Variants in MIA2 observed in about 807,000 individuals in gnomAD.
MIA2 encodes the protein MIA SH3 domain ER export factor 2.
MIA2 carries 127 observed loss-of-function variants against 167.8 expected under a neutral mutation model. The ratio of observed to expected loss-of-function variants is 0.76; its 90% CI spans 0.66 to 0.88. The LOEUF (loss-of-function observed/expected upper bound fraction) is 0.88. MIA2 is among the 40% of genes least tolerant of loss of function. The probability of loss-of-function intolerance (pLI) is 0.00; values close to 1 mark genes in which losing one functional copy is unlikely to be tolerated. For missense variants in MIA2, 1,690 were observed against 1,624.7 expected (o/e 1.04, Z -0.69); for synonymous variants, 552 against 541.9 (o/e 1.02, Z -0.26).
chr14:39,239,789 G>A (rs2053958391), intron 2 of MIA2, among the ~76,000 whole-genome samples: 1 of 152,196 alleles, frequency 6.6e-6, no homozygotes. Context: ...TTTAGTTCAT[G>A]CAGTTAGCTG....
intron 19 of MIA2, among the ~76,000 whole-genome samples, chr14:39,314,415 A>C (rs925007292): frequency 6.6e-5 from 10 of 151,854 alleles, no homozygotes; most frequent in Non-Finnish European, 1.3e-4. Flanking sequence ...CAACATCTGA[A>C]TAAATCTTCT....
intron 13 of MIA2, among the ~76,000 whole-genome samples, chr14:39,298,542 T>TTTTTTTTCG (rs1555375949): frequency 3.1e-5 from 3 of 97,026 alleles, no homozygotes; most frequent in African/African-American, 1.1e-4. Flanking sequence ...TTTTTTTTTT[T>TTTTTTTTCG]TTTTTTTTTT....
In MIA2 at chr14:39,347,508, T is replaced by C. The variant is rs912381646; in HGVS notation, c.3779-205T>C. The C allele has an allele frequency of 1.1e-5, 6 of 551,292 alleles. No individual in the cohort carries two copies. In the African/African-American group the frequency reaches 1.2e-4, roughly 11 times the overall value. The allele number at this position is 551,292 out of a possible 1,614,324, so 34.2% of individuals were successfully genotyped here. The stretch of plus-strand genomic sequence containing the variant: ...CTTAGGAACTAGCCAGAGAAATAAT[T>C]GCCACATGCCATCATAGAACTCTGA... On this transcript the variant is annotated intron_variant, in intron 26 of 28. Coordinates refer to ENST00000640607, the MANE Select transcript of MIA2 (RefSeq NM_001329214.4).
chr14:39,280,521 A>G (rs1251453708), intron 9 of MIA2, among the ~76,000 whole-genome samples: 1 of 152,084 alleles, frequency 6.6e-6, no homozygotes, highest in Non-Finnish European at 1.5e-5. Context: ...TCACGAGGTC[A>G]GGAGATCGAG....
chr14:39,252,249 G>A (rs1174777213), intron 4 of MIA2, among the ~76,000 whole-genome samples: 2 of 152,118 alleles, frequency 1.3e-5, no homozygotes, highest in African/African-American at 4.8e-5. Context: ...TGTGATTAGG[G>A]ATCTTGAAAT....
At chr14:39,386,729 A>C in intron 23 of MIA2, 1 of 1,339,598 alleles carries the variant, frequency 7.5e-7, no homozygotes, top group Non-Finnish European at 1.1e-6. Context: ...AATATTTGTA[A>C]TCTGGTTCAG....
intron 23 of MIA2, among the ~76,000 whole-genome samples, chr14:39,365,758 T>C (rs1166598997): frequency 6.6e-6 from 1 of 152,186 alleles, no homozygotes; most frequent in East Asian, 1.9e-4. Context: ...TCATCTGTGT[T>C]CTCTTGCATC....
At position 39,360,560 on chromosome 14, in the gene MIA2, G is replaced by T. The variant is rs542339353; in HGVS notation, c.2248+11583G>T. 4.0e-5 allele frequency among the ~76,000 whole-genome samples: 6 copies of T among 150,858 alleles called. No homozygotes were observed. The South Asian group carries it at 1.0e-3, about 26-fold the overall frequency. On this transcript the variant is annotated intron_variant, in intron 23 of 23. Coordinates refer to the MIA2 transcript ENST00000341502. The stretch of plus-strand genomic sequence containing the variant: ...GTATTCTTTATATTAGTCCTTTGTT[G>T]AATGAATAGTTTGCATATATTTTCT...
chr14:39,326,718 G>T, intron 24 of MIA2, 146 bp from the exon 25 acceptor site: 3 of 456,944 alleles, frequency 6.6e-6, no homozygotes, highest in Non-Finnish European at 7.3e-6. Context: ...TCAGGCATAG[G>T]AATCATAGCA....
At chr14:39,373,757 G>A (rs894343723) in intron 23 of MIA2, among the ~76,000 whole-genome samples, 3 of 152,294 alleles carry the variant, frequency 2.0e-5, no homozygotes, top group African/African-American at 7.2e-5. Context: ...GGAGGCAGAG[G>A]TTGCAGTGAG....
At chr14:39,278,575 G>A (rs988644358) in intron 7 of MIA2, among the ~76,000 whole-genome samples, 1 of 152,074 alleles carries the variant, frequency 6.6e-6, no homozygotes, top group East Asian at 1.9e-4. Flanking sequence ...ATGAATTCCC[G>A]CCTGCTTCAT....
chr14:39,355,524 C>A, downstream of MIA2, among the ~76,000 whole-genome samples: 1 of 152,122 alleles, frequency 6.6e-6, no homozygotes, highest in East Asian at 1.9e-4. Context: ...TTCCTCTTTT[C>A]CTAATTGAAT....
At chr14:39,310,899 T>C (rs1040823312) in intron 18 of MIA2, among the ~76,000 whole-genome samples, 2 of 152,202 alleles carry the variant, frequency 1.3e-5, no homozygotes, top group Non-Finnish European at 2.9e-5. Flanking sequence ...CAGTATAACT[T>C]CAGGGTTTTT....
intron 3 of MIA2, among the ~76,000 whole-genome samples, chr14:39,242,858 C>T (rs1156828257): frequency 6.6e-6 from 1 of 151,896 alleles, no homozygotes; most frequent in Non-Finnish European, 1.5e-5. Context: ...CATTGTGGCT[C>T]ACATCTGTAA....
rs551304012 is a variant in MIA2 at position 39,286,706 on chromosome 14, T to G, written c.2131-4313T>G. 2.6e-5 allele frequency among the ~76,000 whole-genome samples: 4 copies of G among 151,040 alleles called. No homozygotes were observed. In the East Asian group the frequency reaches 7.8e-4, roughly 29 times the overall value. ...CTTCCTTCCTTCTTACTTTTTTTTTTTTTTTGAGACAGGCTCTCACTCTGT... is the reference window on the plus strand; with the variant it reads ...CTTCCTTCCTTCTTACTTTTTTTTTGTTTTTGAGACAGGCTCTCACTCTGT... On this transcript the variant is annotated intron_variant, in intron 9 of 28. Transcript: ENST00000640607.
chr14:39,386,436 C>T lies in MIA2; in HGVS notation c.2249-449C>T, dbSNP rs575633311. The T allele has an allele frequency of 5.8e-6, 9 of 1,549,548 alleles. No individual in the cohort carries two copies. The Admixed American group carries it at 1.3e-4, about 23-fold the overall frequency. ...TTAACAAGGCTGTTTCTAGCAGAAC[C>T]TTTTGGAGAACTACATCTCTGATTG... On this transcript the variant is annotated intron_variant, in intron 23 of 23. Coordinates refer to the MIA2 transcript ENST00000341502.
At chr14:39,374,244 C>CT (rs2075005345) in intron 23 of MIA2, among the ~76,000 whole-genome samples, 1 of 152,136 alleles carries the variant, frequency 6.6e-6, no homozygotes, top group Non-Finnish European at 1.5e-5. Context: ...TGCAGAAGCA[C>CT]TTTGAGTCCA....
chr14:39,319,164 T>C, intron 22 of MIA2, 45 bp from the exon 23 acceptor site: 1 of 1,137,238 alleles, frequency 8.8e-7, no homozygotes. Flanking sequence ...CTTGTGGTGC[T>C]TCTCTTGGAT....
At chr14:39,317,594 G>A (rs995423603) in intron 21 of MIA2, among the ~76,000 whole-genome samples, 3 of 152,046 alleles carry the variant, frequency 2.0e-5, no homozygotes, top group African/African-American at 7.2e-5. Flanking sequence ...TACACAAAAA[G>A]GATGTTTATT....
Sources: gnomAD v4.1 joint callset for allele counts (sites outside exome capture counted in the v4.1 genomes callset) on GRCh38, gnomAD v4.1.1 for gene constraint, MANE v1.5 for transcripts, NCBI Gene and HGNC (gene_info 2026-07-23, HGNC 2026-07-21) for gene names.